Variants in ABCD2 observed in about 807,000 individuals in gnomAD.
ABCD2 encodes ATP binding cassette subfamily D member 2.
A neutral mutation model predicts 70.9 loss-of-function variants in ABCD2; 36 were observed. The observed-to-expected ratio is 0.51, with a 90% CI of 0.39 to 0.67. ABCD2 has a LOEUF of 0.67. Among genes scored for constraint, ABCD2 ranks in the 30% least tolerant of loss-of-function variants. The pLI, the probability that ABCD2 is intolerant of heterozygous loss-of-function variation, is 0.00. For missense variants in ABCD2, 729 were observed against 890.2 expected, an observed-to-expected ratio of 0.82 and a Z score of 2.30; for synonymous variants, 304 against 306.9, an observed-to-expected ratio of 0.99 and a Z score of 0.10.
chr12:39,551,393 C>T lies in ABCD2; in HGVS notation c.*2519G>A, dbSNP rs1187690627. On this transcript the variant is annotated 3_prime_UTR_variant, in exon 10 of 10. Transcript: ENST00000308666. ...AATATTCTTTCTTTTTTCCTTTCCT[C>T]ATCTATCCCTTGCTGTATTCAAAAA... 2.0e-5 allele frequency: 3 copies of T among 151,604 alleles called. No homozygotes were observed. The highest frequency in any genetic ancestry group is 7.3e-5 in the African/African-American group (3 of 41,370). 9.4% of individuals were successfully genotyped at this position (151,604 alleles called of 1,614,324 possible). A position where few individuals can be genotyped will look rare whatever the true frequency, so the allele number is the denominator to read the frequency against.
At chr12:39,539,337 A>T in the ABCD2 span, among the ~76,000 whole-genome samples, 1 of 152,210 alleles carries the variant, frequency 6.6e-6, no homozygotes, top group East Asian at 1.9e-4. Context: ...GGGTCAAGAG[A>T]TGGGAAACAG....
chr12:39,601,439 A>G (rs1369551549), intron 5 of ABCD2, among the ~76,000 whole-genome samples: 1 of 151,750 alleles, frequency 6.6e-6, no homozygotes, highest in East Asian at 1.9e-4. Flanking sequence ...TTTCTTATCT[A>G]TTGGATGCTT....
chr12:39,618,734 A>T lies in ABCD2; in HGVS notation c.882T>A (p.Tyr294Ter). ...CATTGGCTATAATTCTCGAGTGCAC[A>T]TACCGCAAATAGCCTTTTCTATGTG... ...EEAHRKGYLR[Y>*]VHSRIIANVE... Residue 294 changes from tyrosine (Y) to a stop codon, truncating the protein, a stop_gained, in exon 1 of 10, where the codon TAT (tyrosine) becomes TAA (stop). Transcript: ENST00000308666. LOFTEE classifies it high-confidence loss of function. 1 of 1,614,246 alleles carries T rather than the reference A, an allele frequency of 6.2e-7. No homozygotes were observed. The highest frequency in any genetic ancestry group is 8.5e-7 in the Non-Finnish European group (1 of 1,180,046).
chr12:39,616,591 T>C (rs1942117457), intron 2 of ABCD2, among the ~76,000 whole-genome samples: 1 of 152,156 alleles, frequency 6.6e-6, no homozygotes, highest in Non-Finnish European at 1.5e-5. Flanking sequence ...ATTTATAGAC[T>C]AAATGTATGG....
At chr12:39,598,010 G>A (rs1330646043) in intron 6 of ABCD2, among the ~76,000 whole-genome samples, 1 of 152,106 alleles carries the variant, frequency 6.6e-6, no homozygotes, top group Non-Finnish European at 1.5e-5. Context: ...CCAAGCTTAT[G>A]AACTGAGCTA....
In ABCD2 at chr12:39,579,625, GA is replaced by G. The variant is rs768002959; in HGVS notation, c.1793-7del. ...GTCCATAACAGCATCCCATCCTTAA[GA>G]AAATAAAAAAATATACATTTTTATA... On this transcript the variant is annotated splice_region_variant and splice_polypyrimidine_tract_variant and intron_variant, in intron 7 of 9. Coordinates refer to ENST00000308666, the MANE Select transcript of ABCD2 (RefSeq NM_005164.4). 2 of 1,592,250 alleles carry G rather than the reference GA, an allele frequency of 1.3e-6. No individual in the cohort carries two copies. The highest frequency in any genetic ancestry group is 1.7e-6 in the Non-Finnish European group (2 of 1,167,506).
At position 39,619,470 on chromosome 12, in the gene ABCD2, T is replaced by C; in HGVS notation, c.146A>G (p.His49Arg). 1 of 1,613,884 alleles carries C rather than the reference T, an allele frequency of 6.2e-7. No individual in the cohort carries two copies. The highest frequency in any genetic ancestry group is 8.5e-7 in the Non-Finnish European group (1 of 1,180,012). The change falls in exon 1 of 10, where the codon CAC becomes CGC. Residue 49 changes from histidine to arginine, a missense_variant. Around this residue, in one of 3 missense-constraint regions of ABCD2, gnomAD observed 245 missense variants for 261.2 expected, o/e 0.94. Transcript: ENST00000308666. ...IIGKRLKQSG[H>R]GKKKAAAYPA... ...GTAAGCTGCTGCTTTTTTCTTCCCG[T>C]GGCCAGATTGCTTTAAACGCTTGCC...
intron 9 of ABCD2, among the ~76,000 whole-genome samples, chr12:39,567,614 C>T (rs1343357018): frequency 6.9e-6 from 1 of 145,024 alleles, no homozygotes; most frequent in Non-Finnish European, 1.5e-5. Flanking sequence ...TTAATTGGAG[C>T]ATTTAGCCCA....
downstream of ABCD2, among the ~76,000 whole-genome samples, chr12:39,545,405 G>A (rs781066599): frequency 9.9e-5 from 15 of 151,922 alleles, no homozygotes; most frequent in African/African-American, 1.9e-4. Context: ...CGATTCTCCC[G>A]CCTCACAACA....
At chr12:39,579,223 G>C (rs747959605) in intron 8 of ABCD2, among the ~76,000 whole-genome samples, 2 of 152,128 alleles carry the variant, frequency 1.3e-5, no homozygotes, top group Non-Finnish European at 2.9e-5. Context: ...TTAGCCGGGC[G>C]TGGTGGCACA....
chr12:39,557,341 G>A (rs954789445), intron 9 of ABCD2, among the ~76,000 whole-genome samples: 1 of 152,168 alleles, frequency 6.6e-6, no homozygotes. Flanking sequence ...AAGCATTTAA[G>A]ATGTAATCTG....
intron 7 of ABCD2, among the ~76,000 whole-genome samples, chr12:39,581,278 A>G (rs1566556244): frequency 1.3e-5 from 2 of 152,158 alleles, no homozygotes; most frequent in Non-Finnish European, 2.9e-5. Flanking sequence ...ATAAGCAAAG[A>G]CATACAATAA....
chr12:39,596,719 T>A (rs1489678984), intron 6 of ABCD2, among the ~76,000 whole-genome samples: 1 of 152,158 alleles, frequency 6.6e-6, no homozygotes, highest in Non-Finnish European at 1.5e-5. Context: ...AAAATTACGA[T>A]TAAAATTTCT....
At chr12:39,591,894 C>T (rs183434905) in intron 6 of ABCD2, among the ~76,000 whole-genome samples, 1 of 152,108 alleles carries the variant, frequency 6.6e-6, no homozygotes, top group Non-Finnish European at 1.5e-5. Context: ...TAATAGTACT[C>T]ATAAAATGAG....
chr12:39,541,921 T>G, the ABCD2 span, among the ~76,000 whole-genome samples: 1 of 152,156 alleles, frequency 6.6e-6, no homozygotes, highest in Non-Finnish European at 1.5e-5. Context: ...CCTATCTGTA[T>G]AAAGTTTAAA....
chr12:39,607,432 A>G (rs1027687606), intron 3 of ABCD2, among the ~76,000 whole-genome samples, 167 bp downstream of exon 3: 1 of 152,246 alleles, frequency 6.6e-6, no homozygotes, highest in African/African-American at 2.4e-5. Flanking sequence ...AAAGGATATT[A>G]GCAGCATTAC....
the ABCD2 span, among the ~76,000 whole-genome samples, chr12:39,535,544 C>A: frequency 4.6e-5 from 7 of 151,960 alleles, no homozygotes; most frequent in Admixed American, 4.6e-4. Flanking sequence ...TACAAATAGT[C>A]CAAAATAAAT....
intron 2 of ABCD2, among the ~76,000 whole-genome samples, chr12:39,613,914 C>G (rs970963602): frequency 2.0e-5 from 3 of 152,162 alleles, no homozygotes; most frequent in Non-Finnish European, 4.4e-5. Flanking sequence ...AATTATTTTT[C>G]CTTTCCCTTC....
At chr12:39,535,259 C>G in the ABCD2 span, among the ~76,000 whole-genome samples, 1 of 152,186 alleles carries the variant, frequency 6.6e-6, no homozygotes, top group African/African-American at 2.4e-5. Flanking sequence ...TAAAAAGCAT[C>G]TAATCTAACT....
Sources: allele counts gnomAD v4.1 joint callset (sites outside exome capture counted in the v4.1 genomes callset), GRCh38; gene constraint gnomAD v4.1.1; regional missense constraint gnomAD v4.1.1; transcripts MANE v1.5; gene names NCBI Gene and HGNC (gene_info 2026-07-23, HGNC 2026-07-21).